The following CDH13 variants were observed in gnomAD, a reference collection of about 807,000 sequenced individuals.
The protein encoded by CDH13 is cadherin-13.
In CDH13, 24 loss-of-function variants were observed where a neutral mutation model predicts 63.8. The ratio of observed to expected loss-of-function variants is 0.38; its 90% CI spans 0.27 to 0.53. The LOEUF is 0.53. Among genes scored for constraint, CDH13 ranks in the 20% least tolerant of loss-of-function variants. The pLI is 0.85. For missense variants in CDH13, 1,049 were observed against 903.1 expected (o/e 1.16, Z -2.07); for synonymous variants, 503 against 355.3 (o/e 1.42, Z -4.67).
intron 11 of CDH13, among the ~76,000 whole-genome samples, chr16:83,752,573 A>G (rs1913172665): frequency 6.6e-6 from 1 of 152,230 alleles, no homozygotes; most frequent in African/African-American, 2.4e-5. Flanking sequence ...TTGAAGAAAT[A>G]ATTTACAATG....
chr16:82,730,568 G>A (rs62034476), intron 1 of CDH13, among the ~76,000 whole-genome samples: 3,567 of 152,272 alleles, frequency 0.023, 83 homozygotes, highest in Non-Finnish European at 0.039. Context: ...AGATCACCAT[G>A]ACAGATATCA....
intron 1 of CDH13, among the ~76,000 whole-genome samples, chr16:82,781,058 T>C (rs760598591): frequency 3.2e-4 from 49 of 152,386 alleles, no homozygotes; most frequent in Non-Finnish European, 5.9e-4. Flanking sequence ...CTTGACTTCC[T>C]TATTTCCCTA....
intron 5 of CDH13, among the ~76,000 whole-genome samples, chr16:83,270,012 A>G (rs1032244993): frequency 6.6e-6 from 1 of 152,348 alleles, no homozygotes; most frequent in Middle Eastern, 3.4e-3. Flanking sequence ...CCTGAGAAAT[A>G]GATCTTCTGC....
At chr16:83,215,500 G>A (rs909291784) in intron 4 of CDH13, among the ~76,000 whole-genome samples, 4 of 33,070 alleles carry the variant, frequency 1.2e-4, no homozygotes, top group East Asian at 0.019. Flanking sequence ...TTTTTTAATC[G>A]GAAAAAAAAA....
intron 7 of CDH13, among the ~76,000 whole-genome samples, chr16:83,567,554 A>C (rs911218634): frequency 2.0e-5 from 3 of 152,114 alleles, no homozygotes; most frequent in African/African-American, 7.2e-5. Context: ...AAAAGCAAGA[A>C]ATTGTCTAGA....
rs540631598 is a variant in CDH13 at position 82,748,540 on chromosome 16, G to A, written c.46-109822G>A. The stretch of plus-strand genomic sequence containing the variant: ...TCTGTTGGTGGTGGTGGTTGTGGTG[G>A]TTTTGTGTTTTAATTTTTGGATTGT... On this transcript the variant is annotated intron_variant, in intron 1 of 13. Coordinates refer to ENST00000567109, the MANE Select transcript of CDH13 (RefSeq NM_001257.5). Among the ~76,000 whole-genome samples the A allele has an allele frequency of 9.3e-4, 141 of 152,242 alleles. No individual in the cohort carries two copies. In the Middle Eastern group the frequency reaches 0.01, roughly 11 times the overall value.
chr16:82,979,880 G>C (rs1305285886), intron 2 of CDH13, among the ~76,000 whole-genome samples: 1 of 152,132 alleles, frequency 6.6e-6, no homozygotes, highest in East Asian at 1.9e-4. Flanking sequence ...GGACTTTGGA[G>C]ACCATTTTAG....
rs1567590563 is a variant in CDH13, at chr16:82,842,147, T to TATAC, written c.46-16212_46-16211insCATA. ...ATATATATATATATATACACATATA[T>TATAC]ATATATATATATATATACACACACA... On this transcript the variant is annotated intron_variant, in intron 1 of 13. Transcript: ENST00000567109. 2.0e-3 allele frequency among the ~76,000 whole-genome samples: 42 copies of TATAC among 21,430 alleles called. 1 individual carries two copies. The highest frequency in any genetic ancestry group is 4.8e-3 in the South Asian group (2 of 418). 14.1% of individuals were successfully genotyped at this position (21,430 alleles called of 152,430 possible). A position where few individuals can be genotyped will look rare whatever the true frequency, so the allele number is the denominator to read the frequency against.
chr16:83,271,968 C>T (rs1387537610), intron 5 of CDH13, among the ~76,000 whole-genome samples: 1 of 152,156 alleles, frequency 6.6e-6, no homozygotes, highest in Non-Finnish European at 1.5e-5. Context: ...TCTCACATAT[C>T]ATAATGGTAA....
At chr16:82,973,560 G>A (rs1017201001) in intron 2 of CDH13, among the ~76,000 whole-genome samples, 4 of 152,108 alleles carry the variant, frequency 2.6e-5, no homozygotes, top group East Asian at 1.9e-4. Flanking sequence ...AGGCGCTCAC[G>A]GTAAAGCTAG....
chr16:83,678,508 G>T, intron 10 of CDH13, 47 bp downstream of exon 10: 1 of 1,607,172 alleles, frequency 6.2e-7, no homozygotes, highest in Non-Finnish European at 8.5e-7. Flanking sequence ...GGCAGGAATG[G>T]CTTTTCCTTT....
At chr16:82,869,222 A>G (rs1197426504) in intron 2 of CDH13, among the ~76,000 whole-genome samples, 1 of 151,956 alleles carries the variant, frequency 6.6e-6, no homozygotes, top group Non-Finnish European at 1.5e-5. Context: ...AATTTTTGTA[A>G]TTTTAATAGA....
At chr16:83,700,392 C>A (rs1424591166) in intron 10 of CDH13, among the ~76,000 whole-genome samples, 1 of 152,162 alleles carries the variant, frequency 6.6e-6, no homozygotes, top group Non-Finnish European at 1.5e-5. Flanking sequence ...TCTTTAGAAA[C>A]CCATGGTTGT....
At chr16:82,696,566 C>G (rs147607589) in intron 1 of CDH13, among the ~76,000 whole-genome samples, 375 of 152,238 alleles carry the variant, frequency 2.5e-3, no homozygotes, top group South Asian at 0.01. Flanking sequence ...GTGATAGAAA[C>G]AAAATCAGAA....
chr16:83,410,726 T>G (rs150994368), intron 6 of CDH13, among the ~76,000 whole-genome samples: 2 of 152,178 alleles, frequency 1.3e-5, no homozygotes, highest in Non-Finnish European at 2.9e-5. Context: ...TGAAAAGTAT[T>G]ATAAAGAAGG....
intron 3 of CDH13, among the ~76,000 whole-genome samples, chr16:83,116,168 A>C (rs893603055): frequency 6.6e-6 from 1 of 152,212 alleles, no homozygotes; most frequent in South Asian, 2.1e-4. Context: ...AAAAGTGAGC[A>C]CTTCTTCGCT....
At chr16:83,105,716 G>C (rs555607952) in intron 3 of CDH13, among the ~76,000 whole-genome samples, 53 of 152,256 alleles carry the variant, frequency 3.5e-4, no homozygotes, top group African/African-American at 1.2e-3. Context: ...GATGAAACCA[G>C]AAATTGATAG....
intron 8 of CDH13, among the ~76,000 whole-genome samples, chr16:83,663,941 C>G (rs9932523): frequency 6.6e-6 from 1 of 151,304 alleles, no homozygotes; most frequent in Non-Finnish European, 1.5e-5. Flanking sequence ...AGGAAGATCA[C>G]TTGAGCCTAA....
intron 6 of CDH13, among the ~76,000 whole-genome samples, chr16:83,482,880 T>C (rs1301813152): frequency 2.0e-5 from 3 of 152,184 alleles, no homozygotes; most frequent in African/African-American, 4.8e-5. Flanking sequence ...TGTCCCACAT[T>C]CTTTGGACAA....
Sources: allele counts gnomAD v4.1 joint callset (sites outside exome capture counted in the v4.1 genomes callset), GRCh38; gene constraint gnomAD v4.1.1; transcripts MANE v1.5; gene names NCBI Gene and HGNC (gene_info 2026-07-23, HGNC 2026-07-21).